PHLPP1: variants seen among roughly 807,000 people sequenced by gnomAD.
The protein encoded by PHLPP1 is PH domain and leucine rich repeat protein phosphatase 1.
A neutral mutation model predicts 117.2 loss-of-function variants in PHLPP1; 42 were observed. That is an observed-to-expected ratio of 0.36 (90% CI 0.28 to 0.46). PHLPP1 has a LOEUF of 0.46. PHLPP1 is among the 20% of genes least tolerant of loss of function. The pLI is 1.00. For missense variants in PHLPP1, 2,084 were observed against 2,241.9 expected (o/e 0.93, Z 1.42); for synonymous variants, 1,042 against 970.7 (o/e 1.07, Z -1.37).
chr18:62,933,706 C>CT (rs1478344332), intron 10 of PHLPP1, among the ~76,000 whole-genome samples: 1 of 152,144 alleles, frequency 6.6e-6, no homozygotes, highest in African/African-American at 2.4e-5. Context: ...GAATTTATGA[C>CT]TAAGACCTCG....
intron 1 of PHLPP1, among the ~76,000 whole-genome samples, chr18:62,814,209 C>T (rs1914202665): frequency 6.6e-6 from 1 of 152,182 alleles, no homozygotes; most frequent in Non-Finnish European, 1.5e-5. Context: ...GCAAGATTTA[C>T]TGGGCAGTTG....
Position 62,920,187 on chromosome 18 carries a change from C to T in PHLPP1, c.2960+73C>T. 3 of 1,354,676 alleles carry T rather than the reference C, an allele frequency of 2.2e-6. No homozygotes were observed. The Middle Eastern group carries it at 6.6e-4, about 299-fold the overall frequency. 83.9% of individuals were successfully genotyped at this position (1,354,676 alleles called of 1,614,324 possible). On this transcript the variant is annotated intron_variant, in intron 10 of 16. Transcript: ENST00000262719. ...CATTTGTATCTTTGTCTTTCGTGACCTGAGACTGTATAAACTTTCTGAGTA... is the reference window on the plus strand; with the variant it reads ...CATTTGTATCTTTGTCTTTCGTGACTTGAGACTGTATAAACTTTCTGAGTA...
intron 1 of PHLPP1, among the ~76,000 whole-genome samples, chr18:62,823,680 G>A (rs977943994): frequency 9.9e-5 from 15 of 151,348 alleles, no homozygotes; most frequent in African/African-American, 3.4e-4. Context: ...AATATGTAAA[G>A]GACTTAACCC....
chr18:62,906,514 G>A (rs1916853161), intron 8 of PHLPP1: 1 of 142,942 alleles, frequency 7.0e-6, no homozygotes, highest in Non-Finnish European at 1.5e-5. Context: ...GGGTCAGGGA[G>A]TTCCCTTTCC....
In PHLPP1 at chr18:62,716,119, G is replaced by A. The variant is rs1294634625; in HGVS notation, c.436G>A (p.Ala146Thr). 1 of 1,510,420 alleles carries A rather than the reference G, an allele frequency of 6.6e-7. No individual in the cohort carries two copies. Among genetic ancestry groups the A allele is most frequent in the Non-Finnish European group, 8.8e-7 (1 of 1,136,572 alleles). 93.6% of individuals were successfully genotyped at this position (1,510,420 alleles called of 1,614,324 possible). A position where few individuals can be genotyped will look rare whatever the true frequency, so the allele number is the denominator to read the frequency against. ...AASSSSSSSA[A>T]AASHSPGAAG... ...CTCCTCGTCGTCGTCGTCCTCGGCC[G>A]CTGCTGCCTCGCACTCCCCCGGCGC... The change falls in exon 1 of 17, where the codon GCT (alanine) becomes ACT (threonine). Residue 146 changes from alanine to threonine, a missense_variant. Transcript: ENST00000262719. The surrounding 1 kb of genome is among the most constrained non-coding windows in gnomAD (Gnocchi z 5.7).
At chr18:62,743,447 T>C (rs1911588086) in intron 1 of PHLPP1, among the ~76,000 whole-genome samples, 1 of 152,196 alleles carries the variant, frequency 6.6e-6, no homozygotes, top group Admixed American at 6.5e-5. Context: ...CACCTTCCTC[T>C]GCTTAGGTTA....
chr18:62,885,478 G>A (rs1916262717), intron 4 of PHLPP1, among the ~76,000 whole-genome samples: 1 of 152,130 alleles, frequency 6.6e-6, no homozygotes, highest in African/African-American at 2.4e-5. Flanking sequence ...TGGCCAATAT[G>A]GTGAAACCCT....
intron 3 of PHLPP1, among the ~76,000 whole-genome samples, chr18:62,847,734 A>C (rs996813428): frequency 6.6e-6 from 1 of 151,842 alleles, no homozygotes; most frequent in African/African-American, 2.4e-5. Flanking sequence ...ACAACAAACG[A>C]CTCTTAGTTC....
At chr18:62,759,943 G>T (rs1429912765) in intron 1 of PHLPP1, among the ~76,000 whole-genome samples, 4 of 152,174 alleles carry the variant, frequency 2.6e-5, no homozygotes, top group Non-Finnish European at 5.9e-5. Context: ...AAATGGATAT[G>T]ATTCATCTAG....
intron 4 of PHLPP1, among the ~76,000 whole-genome samples, chr18:62,893,902 A>G (rs932218560): frequency 6.6e-6 from 1 of 152,194 alleles, no homozygotes; most frequent in East Asian, 1.9e-4. Flanking sequence ...AGTTTGGAAT[A>G]AAGATGGTAA....
intron 1 of PHLPP1, among the ~76,000 whole-genome samples, chr18:62,769,877 A>G (rs1189869099): frequency 6.6e-6 from 1 of 152,152 alleles, no homozygotes; most frequent in African/African-American, 2.4e-5. Flanking sequence ...GTTCTACCTT[A>G]TCATTACTTT....
At chr18:62,881,295 G>A (rs1026194783) in intron 4 of PHLPP1, among the ~76,000 whole-genome samples, 1 of 151,944 alleles carries the variant, frequency 6.6e-6, no homozygotes, top group East Asian at 1.9e-4. Context: ...TTTCTCTTTA[G>A]GGAATACTTT....
intron 1 of PHLPP1, among the ~76,000 whole-genome samples, chr18:62,800,736 A>G (rs1913753725): frequency 6.6e-6 from 1 of 151,954 alleles, no homozygotes; most frequent in African/African-American, 2.4e-5. Flanking sequence ...ACCTATTTAG[A>G]GTAGGGCTTT....
chr18:62,960,137 T>C (rs1029871262), intron 13 of PHLPP1, among the ~76,000 whole-genome samples: 1 of 152,204 alleles, frequency 6.6e-6, no homozygotes, highest in Non-Finnish European at 1.5e-5. Context: ...CAAATAAAAT[T>C]TAAAAATAAT....
chr18:62,926,840 G>A (rs962770509), intron 10 of PHLPP1, among the ~76,000 whole-genome samples: 4 of 152,128 alleles, frequency 2.6e-5, no homozygotes, highest in Non-Finnish European at 5.9e-5. Context: ...AATTCAGTGA[G>A]AGGATAATTT....
At chr18:62,766,104 A>ATATATATATATATTATATATATATATAT (rs1289379653) in intron 1 of PHLPP1, among the ~76,000 whole-genome samples, 4 of 40,988 alleles carry the variant, frequency 9.8e-5, no homozygotes, top group African/African-American at 1.4e-4. Flanking sequence ...TATATATATA[A>ATATATATATATATTATATATATATATAT]AATATATATA....
chr18:62,945,008 CT>C, intron 11 of PHLPP1, 100 bp from the exon 12 acceptor site: 1 of 858,424 alleles, frequency 1.2e-6, no homozygotes, highest in Non-Finnish European at 1.7e-6. Context: ...GTAAAAATGA[CT>C]GTTACAAATG....
At chr18:62,832,566 G>A (rs1914787689) in intron 2 of PHLPP1, among the ~76,000 whole-genome samples, 1 of 152,162 alleles carries the variant, frequency 6.6e-6, no homozygotes, top group Non-Finnish European at 1.5e-5. Context: ...CTACCACTGA[G>A]TGAATTGAAA....
At chr18:62,759,095 A>G (rs74684244) in intron 1 of PHLPP1, among the ~76,000 whole-genome samples, 2,217 of 152,310 alleles carry the variant, frequency 0.015, 20 homozygotes, top group Non-Finnish European at 0.021. Context: ...ACTTGTAGCT[A>G]CTTTAAAAAA....
Sources: allele counts gnomAD v4.1 joint callset (sites outside exome capture counted in the v4.1 genomes callset), GRCh38; gene constraint gnomAD v4.1.1; non-coding constraint Gnocchi (gnomAD v3.1); transcripts MANE v1.5; gene names NCBI Gene and HGNC (gene_info 2026-07-23, HGNC 2026-07-21).